Variants in TBC1D14 observed in about 807,000 individuals in gnomAD.
TBC1D14 encodes the protein TBC1 domain family, member 14.
In TBC1D14, 26 loss-of-function variants were observed where a neutral mutation model predicts 79.0. That is an observed-to-expected ratio of 0.33 (90% CI 0.24 to 0.46). TBC1D14 has a LOEUF of 0.46. TBC1D14 is among the 20% of genes least tolerant of loss of function. TBC1D14 has a pLI of 1.00. For missense variants in TBC1D14, 769 were observed against 887.6 expected, an observed-to-expected ratio of 0.87 and a Z score of 1.70; for synonymous variants, 394 against 349.9, an observed-to-expected ratio of 1.13 and a Z score of -1.40.
rs114913706 is a variant in TBC1D14 at position 6,929,609 on chromosome 4, G to T, written c.722+5498G>T. Among the ~76,000 whole-genome samples, 1,369 of 152,302 alleles carry T rather than the reference G, an allele frequency of 9.0e-3. 32 individuals are homozygous for T. Among genetic ancestry groups the T allele is most frequent in the African/African-American group, 0.031 (1,285 of 41,572 alleles). The stretch of plus-strand genomic sequence containing the variant: ...GTGCCGTAGCATGAGGCGCTCAGGA[G>T]GGGCAGGGGTAGGAGGGGAGACCAC... On this transcript the variant is annotated intron_variant, in intron 2 of 13. Coordinates refer to ENST00000409757, the MANE Select transcript of TBC1D14 (RefSeq NM_020773.3).
At chr4:7,027,700 A>C (rs1577198116) in intron 13 of TBC1D14, among the ~76,000 whole-genome samples, 1 of 75,918 alleles carries the variant, frequency 1.3e-5, no homozygotes, top group Non-Finnish European at 2.4e-5. Context: ...ATCACCCCCC[A>C]CACATCACAC....
intron 3 of TBC1D14, among the ~76,000 whole-genome samples, chr4:6,989,233 T>G (rs55942328): frequency 0.11 from 17,287 of 152,112 alleles, 1,487 homozygotes; most frequent in African/African-American, 0.24. Context: ...CCTGGATGCG[T>G]CTGAGGGGCT....
At chr4:7,014,964 A>G (rs550051385) in intron 12 of TBC1D14, among the ~76,000 whole-genome samples, 7 of 152,324 alleles carry the variant, frequency 4.6e-5, no homozygotes, top group Non-Finnish European at 7.3e-5. Context: ...GGAAGGCAGG[A>G]GGTCCTGGAC....
At chr4:6,921,126 T>C (rs976308777) in intron 1 of TBC1D14, among the ~76,000 whole-genome samples, 1 of 152,208 alleles carries the variant, frequency 6.6e-6, no homozygotes, top group African/African-American at 2.4e-5. Flanking sequence ...GTGTTCTCAG[T>C]GTGCTGGGGC....
intron 9 of TBC1D14, among the ~76,000 whole-genome samples, chr4:7,009,624 G>C (rs1241330118): frequency 6.6e-6 from 1 of 152,214 alleles, no homozygotes; most frequent in Non-Finnish European, 1.5e-5. Context: ...TATTTGTCCA[G>C]GGTGGTGCTC....
intron 2 of TBC1D14, among the ~76,000 whole-genome samples, chr4:6,959,878 G>T (rs1715020687): frequency 6.6e-6 from 1 of 152,120 alleles, no homozygotes; most frequent in African/African-American, 2.4e-5. Context: ...CTTTTTTGGG[G>T]TGTGATGAAG....
intron 2 of TBC1D14, among the ~76,000 whole-genome samples, chr4:6,960,081 CTTTT>C (rs10623660): frequency 6.9e-5 from 9 of 131,310 alleles, no homozygotes; most frequent in African/African-American, 1.1e-4. Flanking sequence ...CCCTGTGCCC[CTTTT>C]TTTTTTTTTT....
chr4:6,971,470 T>A (rs1026326249), intron 3 of TBC1D14, among the ~76,000 whole-genome samples: 4 of 152,204 alleles, frequency 2.6e-5, no homozygotes, highest in African/African-American at 9.6e-5. Context: ...TTGGGCCTTA[T>A]ATATTACTAT....
intron 6 of TBC1D14, 34 bp from the exon 7 acceptor site, chr4:7,001,111 A>G (rs376699355): frequency 1.1e-5 from 18 of 1,596,072 alleles, no homozygotes; most frequent in Admixed American, 5.0e-5. Flanking sequence ...TTTGTGTGGA[A>G]CAAACTCAAA....
chr4:6,911,228 A>G (rs139085975), intron 1 of TBC1D14, among the ~76,000 whole-genome samples: 1 of 152,216 alleles, frequency 6.6e-6, no homozygotes, highest in African/African-American at 2.4e-5. Flanking sequence ...GGGCTCCGCA[A>G]TCCTAATGAG....
intron 3 of TBC1D14, among the ~76,000 whole-genome samples, chr4:6,969,814 A>G (rs1196750698): frequency 2.0e-5 from 3 of 152,046 alleles, no homozygotes; most frequent in South Asian, 2.1e-4. Flanking sequence ...CGGTAACACA[A>G]TATTGCCAAG....
intron 11 of TBC1D14, 53 bp downstream of exon 11, chr4:7,010,834 G>A: frequency 6.4e-7 from 1 of 1,570,906 alleles, no homozygotes; most frequent in East Asian, 2.3e-5. Flanking sequence ...AATGTCAAGA[G>A]TTGCTTACTC....
At chr4:7,022,949 T>A (rs985443335) in intron 12 of TBC1D14, among the ~76,000 whole-genome samples, 6 of 152,152 alleles carry the variant, frequency 3.9e-5, no homozygotes, top group Non-Finnish European at 7.3e-5. Context: ...TGTATGGGTA[T>A]AAACTATATA....
intron 3 of TBC1D14, among the ~76,000 whole-genome samples, chr4:6,990,756 T>C (rs1718409230): frequency 6.6e-6 from 1 of 152,160 alleles, no homozygotes; most frequent in Non-Finnish European, 1.5e-5. Context: ...GTCTGTACAG[T>C]TGCTACTGTT....
At chr4:6,959,727 T>C (rs1715006667) in intron 2 of TBC1D14, among the ~76,000 whole-genome samples, 1 of 152,212 alleles carries the variant, frequency 6.6e-6, no homozygotes, top group African/African-American at 2.4e-5. Context: ...CCAAAGGCCT[T>C]GTTTTTTGGT....
intron 2 of TBC1D14, among the ~76,000 whole-genome samples, chr4:6,924,889 T>C (rs1439382340): frequency 6.6e-6 from 1 of 152,058 alleles, no homozygotes; most frequent in African/African-American, 2.4e-5. Context: ...GGTGGGCTTG[T>C]GGCCTGGGGG....
intron 2 of TBC1D14, among the ~76,000 whole-genome samples, chr4:6,957,074 T>C (rs149367024): frequency 5.9e-4 from 90 of 152,368 alleles, no homozygotes; most frequent in African/African-American, 2.0e-3. Flanking sequence ...CATCGCTTGC[T>C]GTGTGCTCCT....
chr4:6,993,573 C>T (rs1005621236), intron 3 of TBC1D14, among the ~76,000 whole-genome samples: 1 of 152,176 alleles, frequency 6.6e-6, no homozygotes, highest in African/African-American at 2.4e-5. Context: ...ATGCCTGTTA[C>T]CCAGGAGACA....
rs115412605 is a variant in TBC1D14 at position 7,007,546 on chromosome 4, G to A, written c.1446+820G>A. ...CAGGTTCTCATCTTTGTGGATTTCC[G>A]TGTGGGTCTTCAGAAATCTTTTCAG... On this transcript the variant is annotated intron_variant, in intron 9 of 13. Coordinates refer to ENST00000409757, the MANE Select transcript of TBC1D14 (RefSeq NM_020773.3). 1,569 of 1,289,250 alleles carry A rather than the reference G, an allele frequency of 1.2e-3. 15 individuals are homozygous for A. The African/African-American group carries it at 0.019, about 16-fold the overall frequency. The allele number at this position is 1,289,250 out of a possible 1,614,324, so 79.9% of individuals were successfully genotyped here.
Sources: gnomAD v4.1 joint callset for allele counts (sites outside exome capture counted in the v4.1 genomes callset) on GRCh38, gnomAD v4.1.1 for gene constraint, MANE v1.5 for transcripts, NCBI Gene and HGNC (gene_info 2026-07-23, HGNC 2026-07-21) for gene names.